CDH13: variants seen among roughly 807,000 people sequenced by gnomAD.
The protein encoded by CDH13 is cadherin-13.
In CDH13, 24 loss-of-function variants were observed where a neutral mutation model predicts 63.8. The observed-to-expected ratio is 0.38, with a 90% confidence interval of 0.27 to 0.53. The LOEUF is 0.53. Ranked by LOEUF, CDH13 falls within the 20% of genes least tolerant of loss-of-function variation. The probability of loss-of-function intolerance (pLI) is 0.85; values close to 1 mark genes in which losing one functional copy is unlikely to be tolerated. For synonymous variants in CDH13, 503 were observed against 355.3 expected, an observed-to-expected ratio of 1.42 and a Z score of -4.67; for missense variants, 1,049 against 903.1, an observed-to-expected ratio of 1.16 and a Z score of -2.07.
At chr16:83,007,847 G>A (rs1359289049) in intron 2 of CDH13, among the ~76,000 whole-genome samples, 3 of 149,074 alleles carry the variant, frequency 2.0e-5, no homozygotes, top group Non-Finnish European at 4.5e-5. Context: ...AGAGAGAAAA[G>A]AAAAATGCCT....
intron 5 of CDH13, among the ~76,000 whole-genome samples, chr16:83,243,565 C>G (rs910156443): frequency 2.6e-5 from 4 of 152,150 alleles, no homozygotes; most frequent in Admixed American, 1.3e-4. Context: ...ATATCAATGG[C>G]TAAGACTCCA....
At chr16:83,748,837 T>C (rs1339648596) in intron 11 of CDH13, among the ~76,000 whole-genome samples, 1 of 152,184 alleles carries the variant, frequency 6.6e-6, no homozygotes, top group Non-Finnish European at 1.5e-5. Context: ...GGAGCTGACG[T>C]GCAGAAAGGA....
At position 83,613,134 on chromosome 16, in the gene CDH13, A is replaced by G. The variant is rs563617960; in HGVS notation, c.1101+10540A>G. On this transcript the variant is annotated intron_variant, in intron 8 of 13. Transcript: ENST00000567109. ...AACATTTCATTGTCTTCTGACATCT[A>G]TCATGTTTGTCAAAAGGTCAGCTGT... Among the ~76,000 whole-genome samples the G allele has an allele frequency of 3.3e-5, 5 of 152,300 alleles. No homozygotes were observed. In the East Asian group the frequency reaches 5.8e-4, roughly 18 times the overall value.
chr16:82,830,113 G>A (rs926966133), intron 1 of CDH13, among the ~76,000 whole-genome samples: 1 of 152,144 alleles, frequency 6.6e-6, no homozygotes, highest in Non-Finnish European at 1.5e-5. Context: ...AGATGAGGGA[G>A]CAAAGTTTTT....
intron 4 of CDH13, among the ~76,000 whole-genome samples, chr16:83,174,568 T>C (rs1446849737): frequency 6.6e-6 from 1 of 152,038 alleles, no homozygotes; most frequent in Non-Finnish European, 1.5e-5. Flanking sequence ...GTTCCAAACC[T>C]GCACTGTCCA....
In CDH13 at chr16:82,831,884, C is replaced by T. The variant is rs1269950697; in HGVS notation, c.46-26478C>T. On this transcript the variant is annotated intron_variant, in intron 1 of 13. Coordinates refer to ENST00000567109, the MANE Select transcript of CDH13 (RefSeq NM_001257.5). ...CAGGAAACAACCATATCTAGGTAAA[C>T]CCATGCTCACAGGTTCCCTCTGTTA... is the stretch of plus-strand genomic sequence containing the variant. Among the ~76,000 whole-genome samples, 3 of 152,140 alleles carry T rather than the reference C, an allele frequency of 2.0e-5. No homozygotes were observed. The East Asian group carries it at 5.8e-4, about 29-fold the overall frequency.
chr16:82,912,682 G>A (rs935699755), intron 2 of CDH13, among the ~76,000 whole-genome samples: 3 of 152,182 alleles, frequency 2.0e-5, no homozygotes, highest in African/African-American at 4.8e-5. Context: ...GGTGGCTCAC[G>A]CCTGTAATCC....
At chr16:83,159,710 C>T (rs68056312) in intron 4 of CDH13, among the ~76,000 whole-genome samples, 41,941 of 152,060 alleles carry the variant, frequency 0.28, 6,834 homozygotes, top group African/African-American at 0.46. Flanking sequence ...ATTTAACCAA[C>T]TCATTTACAG....
At chr16:83,170,499 A>G (rs909998634) in intron 4 of CDH13, among the ~76,000 whole-genome samples, 3 of 152,136 alleles carry the variant, frequency 2.0e-5, no homozygotes, top group African/African-American at 7.2e-5. Flanking sequence ...GAAACTCACC[A>G]ATACAATTTC....
At chr16:82,802,254 G>C (rs1041622445) in intron 1 of CDH13, among the ~76,000 whole-genome samples, 2 of 152,134 alleles carry the variant, frequency 1.3e-5, no homozygotes, top group African/African-American at 4.8e-5. Context: ...AAGACGTGGA[G>C]ATCGTGAGAA....
intron 1 of CDH13, among the ~76,000 whole-genome samples, chr16:82,841,858 C>T (rs527757533): frequency 6.6e-6 from 1 of 152,068 alleles, no homozygotes; most frequent in African/African-American, 2.4e-5. Context: ...GACAGTTGTA[C>T]ACAGCTCTTC....
intron 1 of CDH13, among the ~76,000 whole-genome samples, chr16:82,731,708 C>T (rs141943672): frequency 6.6e-6 from 1 of 152,180 alleles, no homozygotes; most frequent in East Asian, 1.9e-4. Context: ...AAAAAATCAA[C>T]AAAAGCATTC....
chr16:83,648,058 A>T (rs535750603), intron 8 of CDH13, among the ~76,000 whole-genome samples: 4 of 152,158 alleles, frequency 2.6e-5, no homozygotes, highest in Non-Finnish European at 5.9e-5. Context: ...CCTGACTTAG[A>T]ACCTCTTAAA....
intron 5 of CDH13, among the ~76,000 whole-genome samples, chr16:83,338,980 CAAAG>C (rs1347576674): frequency 2.0e-5 from 3 of 152,132 alleles, no homozygotes; most frequent in Non-Finnish European, 4.4e-5. Context: ...TAAACATTGA[CAAAG>C]ACACCCTGGA....
At chr16:83,746,233 G>C (rs1295596719) in intron 10 of CDH13, among the ~76,000 whole-genome samples, 1 of 152,198 alleles carries the variant, frequency 6.6e-6, no homozygotes, top group Non-Finnish European at 1.5e-5. Context: ...TCCATCTAGA[G>C]GTCTAGGGGA....
rs145015940 is a variant in CDH13, at chr16:82,889,165, T to C, written c.157+30692T>C. On this transcript the variant is annotated intron_variant, in intron 2 of 13. Transcript: ENST00000567109. ...TCTCACAGAAAGTATTCTTTCCTTT[T>C]GTTCAAAAAATACCCCCTTGAATGT... 4.0e-3 allele frequency among the ~76,000 whole-genome samples: 613 copies of C among 152,332 alleles called. 4 individuals are homozygous for C. The highest frequency in any genetic ancestry group is 0.014 in the African/African-American group (586 of 41,580).
At chr16:83,458,038 G>A (rs980268384) in intron 6 of CDH13, among the ~76,000 whole-genome samples, 91 of 152,206 alleles carry the variant, frequency 6.0e-4, no homozygotes, top group African/African-American at 2.2e-3. Context: ...TGGCCCTGGT[G>A]TGCTAAGTGC....
At chr16:83,170,728 G>A (rs2037879527) in intron 4 of CDH13, among the ~76,000 whole-genome samples, 1 of 152,116 alleles carries the variant, frequency 6.6e-6, no homozygotes, top group African/African-American at 2.4e-5. Flanking sequence ...TATTGATGGA[G>A]TAAAATGGAA....
rs2073875749 is a variant in CDH13 at position 83,485,891 on chromosome 16, C to CT, written c.782-586_782-585insT. 2.6e-5 allele frequency among the ~76,000 whole-genome samples: 4 copies of CT among 152,188 alleles called. No individual in the cohort carries two copies. The South Asian group carries it at 8.3e-4, about 32-fold the overall frequency. On this transcript the variant is annotated intron_variant, in intron 6 of 13. Transcript: ENST00000567109. ...CATGGCTAGATGGAATCTTGTAATCCCAGCACCCTTGGAGGCCGAGGCAGG... is the reference window on the plus strand; with the variant it reads ...CATGGCTAGATGGAATCTTGTAATCCTCAGCACCCTTGGAGGCCGAGGCAGG...
Sources: allele counts gnomAD v4.1 joint callset (sites outside exome capture counted in the v4.1 genomes callset), GRCh38; gene constraint gnomAD v4.1.1; transcripts MANE v1.5; gene names NCBI Gene and HGNC (gene_info 2026-07-23, HGNC 2026-07-21).